UNC13C: variants seen among roughly 807,000 people sequenced by gnomAD.
UNC13C encodes protein unc-13 homolog C.
Under a neutral mutation model 245.4 loss-of-function variants are expected in UNC13C, and 174 were observed. The ratio of observed to expected loss-of-function variants is 0.71; its 90% CI spans 0.63 to 0.80. UNC13C has a LOEUF of 0.80. Ranked by LOEUF, UNC13C falls within the 30% of genes least tolerant of loss-of-function variation. The probability of loss-of-function intolerance (pLI) is 0.00; values close to 1 mark genes in which losing one functional copy is unlikely to be tolerated. For synonymous variants in UNC13C, 992 were observed against 895.1 expected, an observed-to-expected ratio of 1.11 and a Z score of -1.93; for missense variants, 2,829 against 2,602.9, an observed-to-expected ratio of 1.09 and a Z score of -1.89.
chr15:53,876,866 T>C, the UNC13C span, among the ~76,000 whole-genome samples: 1 of 152,354 alleles, frequency 6.6e-6, no homozygotes, highest in East Asian at 1.9e-4. Flanking sequence ...TTTCTATTAT[T>C]TCTCTTTCCA....
At chr15:54,220,843 G>A (rs80310024) in intron 4 of UNC13C, among the ~76,000 whole-genome samples, 4,583 of 151,958 alleles carry the variant, frequency 0.03, 234 homozygotes, top group African/African-American at 0.1. Flanking sequence ...TTGTTTGCCT[G>A]TTTTGGTGCT....
Position 54,519,301 on chromosome 15 carries a change from T to C in UNC13C, c.5458-6248T>C, listed in dbSNP as rs941519866. On this transcript the variant is annotated intron_variant, in intron 24 of 32. Transcript: ENST00000260323. ...TCATATAAAGCCTGAAGGTGTAATT[T>C]AAAGAAAAACAGTTCATAGAAACAG... Among the ~76,000 whole-genome samples the C allele has an allele frequency of 8.5e-5, 13 of 152,150 alleles. 1 individual carries two copies. The highest frequency in any genetic ancestry group is 7.2e-4 in the Admixed American group (11 of 15,276).
At chr15:54,494,527 C>A in intron 19 of UNC13C, 81 bp from the exon 20 acceptor site, 1 of 1,300,200 alleles carries the variant, frequency 7.7e-7, no homozygotes, top group South Asian at 1.9e-5. Context: ...TTTAGAAATT[C>A]TATTAATAAA....
chr15:54,013,798 C>G lies in UNC13C; in HGVS notation c.895C>G (p.Arg299Gly). ...GTTGCGCACAGGGTTTGTCCAGTCTCGGAGGGAAACTAGAGACATCCATGA... is the reference window on the plus strand; with the variant it reads ...GTTGCGCACAGGGTTTGTCCAGTCTGGGAGGGAAACTAGAGACATCCATGA... ...EQLRTGFVQS[R>G]RETRDIHDYI... The change falls in exon 2 of 33, where the codon CGG becomes GGG. Residue 299 changes from arginine (R) to glycine (G), a missense_variant. Coordinates refer to ENST00000260323, the MANE Select transcript of UNC13C (RefSeq NM_001080534.3). The G allele has an allele frequency of 6.2e-7, 1 of 1,611,406 alleles. No homozygotes were observed. Among genetic ancestry groups the G allele is most frequent in the Admixed American group, 1.7e-5 (1 of 59,648 alleles).
intron 2 of UNC13C, among the ~76,000 whole-genome samples, chr15:54,051,767 T>G (rs969898313): frequency 6.6e-6 from 1 of 152,020 alleles, no homozygotes; most frequent in Non-Finnish European, 1.5e-5. Flanking sequence ...TCTTTCTTTT[T>G]TTTTTTATTA....
the UNC13C span, among the ~76,000 whole-genome samples, chr15:53,935,724 A>C: frequency 6.6e-6 from 1 of 152,150 alleles, no homozygotes; most frequent in Non-Finnish European, 1.5e-5. Flanking sequence ...GAGCCAGAAG[A>C]GCCCCCACCC....
chr15:53,894,522 T>C, the UNC13C span, among the ~76,000 whole-genome samples: 1 of 152,188 alleles, frequency 6.6e-6, no homozygotes, highest in South Asian at 2.1e-4. Context: ...CCTGGAGTTA[T>C]GGGCGAAAGT....
At chr15:53,950,996 A>T in the UNC13C span, among the ~76,000 whole-genome samples, 1 of 152,194 alleles carries the variant, frequency 6.6e-6, no homozygotes, top group Admixed American at 6.5e-5. Flanking sequence ...CTGCTCTGTG[A>T]TTCTCACGGT....
chr15:54,058,766 A>G (rs533406507), intron 2 of UNC13C, among the ~76,000 whole-genome samples: 89 of 152,228 alleles, frequency 5.8e-4, no homozygotes, highest in Non-Finnish European at 9.7e-4. Context: ...ATCCACCATG[A>G]TCATGTGGGC....
At chr15:54,109,530 T>C (rs1900657890) in intron 2 of UNC13C, among the ~76,000 whole-genome samples, 1 of 151,468 alleles carries the variant, frequency 6.6e-6, no homozygotes, top group South Asian at 2.1e-4. Flanking sequence ...TTAGTAGAGA[T>C]GGAGTTTTGC....
At chr15:54,144,328 G>A (rs906891540) in intron 4 of UNC13C, among the ~76,000 whole-genome samples, 2 of 13,746 alleles carry the variant, frequency 1.5e-4, no homozygotes, top group Admixed American at 1.5e-3. Context: ...GTTTTGCATC[G>A]TGGTTTTTTT....
chr15:54,142,056 CA>C (rs1232130748), intron 2 of UNC13C, among the ~76,000 whole-genome samples: 1 of 152,144 alleles, frequency 6.6e-6, no homozygotes, highest in African/African-American at 2.4e-5. Flanking sequence ...AACTTGTATC[CA>C]TAGAGAAGTT....
At chr15:54,524,975 G>A (rs1287064867) in intron 24 of UNC13C, among the ~76,000 whole-genome samples, 6 of 152,214 alleles carry the variant, frequency 3.9e-5, no homozygotes, top group Admixed American at 2.0e-4. Context: ...TAGCAACCAG[G>A]AAGAAAAGTC....
At chr15:54,581,811 C>T (rs1265955659) in intron 30 of UNC13C, among the ~76,000 whole-genome samples, 1 of 152,112 alleles carries the variant, frequency 6.6e-6, no homozygotes, top group African/African-American at 2.4e-5. Context: ...TTTAATCAGC[C>T]TTTTTGGTGC....
At chr15:54,023,193 C>G (rs1441194474) in intron 2 of UNC13C, among the ~76,000 whole-genome samples, 3 of 152,162 alleles carry the variant, frequency 2.0e-5, no homozygotes, top group Admixed American at 2.0e-4. Context: ...GACTGAGTCT[C>G]AGAGGAGCAA....
the UNC13C span, among the ~76,000 whole-genome samples, chr15:53,857,435 G>A: frequency 5.3e-5 from 8 of 152,140 alleles, no homozygotes; most frequent in Non-Finnish European, 8.8e-5. Flanking sequence ...GTATGAGATG[G>A]CAAGGCTATC....
chr15:53,924,512 C>A, the UNC13C span, among the ~76,000 whole-genome samples: 2 of 152,060 alleles, frequency 1.3e-5, no homozygotes, highest in Non-Finnish European at 2.9e-5. Flanking sequence ...AATGACAGAG[C>A]AAATTAAGGA....
the UNC13C span, among the ~76,000 whole-genome samples, chr15:53,877,122 T>C: frequency 2.0e-5 from 3 of 152,220 alleles, no homozygotes; most frequent in African/African-American, 4.8e-5. Context: ...CTGTCAGTAA[T>C]ATAGCAAGTT....
intron 18 of UNC13C, among the ~76,000 whole-genome samples, chr15:54,412,169 G>T (rs956328865): frequency 1.3e-5 from 2 of 151,630 alleles, no homozygotes; most frequent in Non-Finnish European, 2.9e-5. Flanking sequence ...TCGCACAACC[G>T]CACTCCAGCC....
Sources: allele counts gnomAD v4.1 joint callset (sites outside exome capture counted in the v4.1 genomes callset), GRCh38; gene constraint gnomAD v4.1.1; transcripts MANE v1.5; gene names NCBI Gene and HGNC (gene_info 2026-07-23, HGNC 2026-07-21).